KIF3B: variants seen among roughly 807,000 people sequenced by gnomAD.
KIF3B encodes the protein kinesin family member 3B, also known as kinesin-like protein KIF3B.
A neutral mutation model predicts 74.3 loss-of-function variants in KIF3B; 38 were observed. The observed-to-expected ratio is 0.51, with a 90% confidence interval of 0.39 to 0.67. The LOEUF (loss-of-function observed/expected upper bound fraction) is 0.67. KIF3B is among the 30% of genes least tolerant of loss of function. KIF3B has a pLI of 0.00. For synonymous variants in KIF3B, 326 were observed against 342.5 expected, an observed-to-expected ratio of 0.95 and a Z score of 0.53; for missense variants, 649 against 932.0, an observed-to-expected ratio of 0.70 and a Z score of 3.95.
intron 5 of KIF3B, among the ~76,000 whole-genome samples, chr20:32,318,549 T>A (rs1302577966): frequency 6.6e-6 from 1 of 152,210 alleles, no homozygotes; most frequent in Non-Finnish European, 1.5e-5. Context: ...ATAAATGGAA[T>A]CACACACTGT....
At chr20:32,290,674 C>T (rs2047687017) in intron 1 of KIF3B, among the ~76,000 whole-genome samples, 3 of 152,082 alleles carry the variant, frequency 2.0e-5, no homozygotes, top group South Asian at 2.1e-4. Context: ...AGTTCCAGAC[C>T]AGCCTGGGCA....
At chr20:32,319,760 A>G (rs1336726029) in intron 5 of KIF3B, among the ~76,000 whole-genome samples, 3 of 148,526 alleles carry the variant, frequency 2.0e-5, no homozygotes, top group Non-Finnish European at 4.5e-5. Context: ...TGATTTTTGT[A>G]TTTTTAGTAG....
Position 32,327,553 on chromosome 20 carries a change from C to T in KIF3B, c.1863-3C>T. The T allele has an allele frequency of 1.2e-6, 2 of 1,612,328 alleles. No homozygotes were observed. Among genetic ancestry groups the T allele is most frequent in the South Asian group, 1.1e-5 (1 of 91,046 alleles). ...GGGCTTTAACACTGCAGTTCATTTC[C>T]AGGAACCAGCAGATGATGAAGCGGC... On this transcript the variant is annotated splice_region_variant and splice_polypyrimidine_tract_variant and intron_variant, in intron 6 of 8. Coordinates refer to ENST00000375712, the MANE Select transcript of KIF3B (RefSeq NM_004798.4).
At chr20:32,329,001 G>A (rs1482892858) in intron 7 of KIF3B, among the ~76,000 whole-genome samples, 1 of 152,132 alleles carries the variant, frequency 6.6e-6, no homozygotes, top group African/African-American at 2.4e-5. Context: ...CCTGTCTCCT[G>A]GGTTCAAGCA....
At position 32,331,351 on chromosome 20, in the gene KIF3B, G is replaced by A. The variant is rs775386469; in HGVS notation, c.*32G>A. ...CTTCTCCTCTCCCAGGGCGGAAACA[G>A]CATTTGCCTTCTGAGAGAAGAGACT... is the stretch of plus-strand genomic sequence containing the variant. On this transcript the variant is annotated 3_prime_UTR_variant, in exon 9 of 9. Transcript: ENST00000375712. 1.1e-4 allele frequency: 169 copies of A among 1,539,806 alleles called. No homozygotes were observed. The highest frequency in any genetic ancestry group is 1.4e-4 in the Non-Finnish European group (159 of 1,122,548).
chr20:32,324,065 T>C (rs1008511614), intron 5 of KIF3B, among the ~76,000 whole-genome samples: 6 of 151,372 alleles, frequency 4.0e-5, no homozygotes, highest in Non-Finnish European at 7.4e-5. Context: ...GCCAAGATTA[T>C]GCCACTGCAT....
intron 1 of KIF3B, among the ~76,000 whole-genome samples, chr20:32,294,531 G>A (rs1569191678): frequency 6.6e-6 from 1 of 152,246 alleles, no homozygotes; most frequent in South Asian, 2.1e-4. Context: ...CACCACCCTA[G>A]AGGTCAATAT....
At chr20:32,299,403 A>ATATATATATATGTTTTT (rs1555895046) in intron 1 of KIF3B, among the ~76,000 whole-genome samples, 1 of 9,026 alleles carries the variant, frequency 1.1e-4, no homozygotes, top group Non-Finnish European at 1.7e-4. Flanking sequence ...ATATATATAT[A>ATATATATATATGTTTTT]TTTTTTTTTT....
Position 32,310,048 on chromosome 20 carries a change from A to G in KIF3B, c.271A>G (p.Thr91Ala), listed in dbSNP as rs2047791894. 2.5e-6 allele frequency: 4 copies of G among 1,614,048 alleles called. No homozygotes were observed. Among genetic ancestry groups the G allele is most frequent in the African/African-American group, 1.3e-5 (1 of 74,914 alleles). Residue 91 changes from threonine (T) to alanine (A), a missense_variant, in exon 2 of 9, where the codon ACC (threonine) becomes GCC (alanine). Around this residue, in one of 4 missense-constraint regions of KIF3B, gnomAD observed 96 missense variants for 119.0 expected, o/e 0.81. Coordinates refer to ENST00000375712, the MANE Select transcript of KIF3B (RefSeq NM_004798.4). The surrounding 1 kb of genome is among the most constrained non-coding windows in gnomAD (Gnocchi z 6.5). ...VDSVLQGFNG[T>A]IFAYGQTGTG... The stretch of plus-strand genomic sequence containing the variant: ...CTCTGTCCTGCAAGGTTTCAATGGA[A>G]CCATTTTTGCCTATGGACAAACTGG...
chr20:32,280,714 CAAAAAAAAAAAAA>C (rs34366324), intron 1 of KIF3B, among the ~76,000 whole-genome samples: 3 of 51,352 alleles, frequency 5.8e-5, no homozygotes, highest in African/African-American at 1.5e-4. Flanking sequence ...GACTCCGTCT[CAAAAAAAAAAAAA>C]AAAAAAAAAA....
chr20:32,284,070 T>C (rs1164878187), intron 1 of KIF3B, among the ~76,000 whole-genome samples: 4 of 151,962 alleles, frequency 2.6e-5, no homozygotes, highest in Non-Finnish European at 5.9e-5. Flanking sequence ...TGCATGCCAC[T>C]ACACCCAGCT....
Position 32,316,814 on chromosome 20 carries a change from T to C in KIF3B, c.1688T>C (p.Ile563Thr), listed in dbSNP as rs2047829995. The C allele has an allele frequency of 6.2e-7, 1 of 1,613,908 alleles. No individual in the cohort carries two copies. The highest frequency in any genetic ancestry group is 8.5e-7 in the Non-Finnish European group (1 of 1,179,974). The change falls in exon 5 of 9, where the codon ATC (isoleucine) becomes ACC (threonine). Residue 563 changes from isoleucine (I) to threonine (T), a missense_variant. By Grantham distance (89) the Ile-to-Thr change is moderately conservative. Transcript: ENST00000375712. Reference sequence around the variant, plus strand: ...ATCCATGACCTCCAAGAAGAACACATCAAGGAGCGCCAAGAGCTAGAGCAG... The same window carrying C: ...ATCCATGACCTCCAAGAAGAACACACCAAGGAGCGCCAAGAGCTAGAGCAG... ...AEIHDLQEEH[I>T]KERQELEQTQ...
Position 32,309,924 on chromosome 20 carries a change from G to T in KIF3B, c.147G>T (p.Thr49=). 6.2e-7 allele frequency: 1 copy of T among 1,614,114 alleles called. No individual in the cohort carries two copies. The highest frequency in any genetic ancestry group is 8.5e-7 in the Non-Finnish European group (1 of 1,180,026). ...TGTCTGTGAAGAACCCCAAAGGGAC[G>T]GCCCATGAAATGCCCAAGACCTTCA... is the stretch of plus-strand genomic sequence containing the variant. The part of the protein sequence containing the change: ...GQVSVKNPKG[T]AHEMPKTFTF... Residue 49 remains threonine, a synonymous_variant, in exon 2 of 9, where the codon ACG becomes ACT. Transcript: ENST00000375712.
At chr20:32,292,865 A>G (rs1181973181) in intron 1 of KIF3B, among the ~76,000 whole-genome samples, 5 of 152,174 alleles carry the variant, frequency 3.3e-5, no homozygotes, top group Admixed American at 2.6e-4. Flanking sequence ...CTTACCCTAA[A>G]GGTATATATG....
chr20:32,306,211 G>A (rs2047770274), intron 1 of KIF3B, among the ~76,000 whole-genome samples: 3 of 151,550 alleles, frequency 2.0e-5, no homozygotes, highest in African/African-American at 4.8e-5. Flanking sequence ...TGGCCAACAT[G>A]GTGAAACCCC....
intron 1 of KIF3B, 31 bp from the exon 2 acceptor site, chr20:32,309,682 C>T: frequency 7.2e-7 from 1 of 1,394,470 alleles, no homozygotes; most frequent in Non-Finnish European, 9.7e-7. Flanking sequence ...GACAACGGTA[C>T]TGTGCTTATT....
intron 1 of KIF3B, among the ~76,000 whole-genome samples, chr20:32,308,052 T>A (rs2047780740): frequency 6.7e-6 from 1 of 150,176 alleles, no homozygotes; most frequent in Non-Finnish European, 1.5e-5. Context: ...CTGGCCAACA[T>A]GGCAAAACCC....
At chr20:32,303,024 T>C (rs1461860322) in intron 1 of KIF3B, among the ~76,000 whole-genome samples, 1 of 152,174 alleles carries the variant, frequency 6.6e-6, no homozygotes, top group African/African-American at 2.4e-5. Context: ...TCATTAACCA[T>C]CGTAGTGTTA....
chr20:32,303,083 G>GCTTCCAGTGGCT (rs770498613), intron 1 of KIF3B, among the ~76,000 whole-genome samples: 7 of 152,060 alleles, frequency 4.6e-5, no homozygotes, highest in Non-Finnish European at 7.4e-5. Context: ...TTCCAGTGTG[G>GCTTCCAGTGGCT]CCCAAGGAAG....
Sources: gnomAD v4.1 joint callset for allele counts (sites outside exome capture counted in the v4.1 genomes callset) on GRCh38, gnomAD v4.1.1 for gene constraint, gnomAD v4.1.1 regional missense constraint, Gnocchi (gnomAD v3.1) non-coding constraint, MANE v1.5 for transcripts, NCBI Gene and HGNC (gene_info 2026-07-23, HGNC 2026-07-21) for gene names.